The following RIN2 variants were observed in gnomAD, a reference collection of about 807,000 sequenced individuals.
The protein encoded by RIN2 is RAB5 interacting protein 2.
Under a neutral mutation model 78.0 loss-of-function variants are expected in RIN2, and 36 were observed. That is an observed-to-expected ratio of 0.46 (90% CI 0.35 to 0.61). RIN2 has a LOEUF of 0.61. Among genes scored for constraint, RIN2 ranks in the 20% least tolerant of loss-of-function variants. RIN2 has a pLI of 0.00. For missense variants in RIN2, 1,087 were observed against 1,159.7 expected, an observed-to-expected ratio of 0.94 and a Z score of 0.91; for synonymous variants, 466 against 466.8, an observed-to-expected ratio of 1.00 and a Z score of 0.02.
chr20:19,944,485 A>G (rs1211567918), intron 4 of RIN2, among the ~76,000 whole-genome samples: 2 of 152,290 alleles, frequency 1.3e-5, no homozygotes, highest in African/African-American at 4.8e-5. Flanking sequence ...CTTGATTCAT[A>G]AGATGACCCC....
intron 5 of RIN2, 86 bp downstream of exon 5, chr20:19,956,893 A>T: frequency 8.4e-7 from 1 of 1,197,056 alleles, no homozygotes; most frequent in African/African-American, 1.5e-5. Context: ...AGTTCCAGAA[A>T]TTTCTTCCTA....
chr20:19,920,909 G>T lies in RIN2; in HGVS notation c.58-14190G>T, dbSNP rs1371291400. ...GCTGGTCTTGAACTCCTGACCTCAA[G>T]TGATCCACCTGCCTCTGCCTCCCAA... is the stretch of plus-strand genomic sequence containing the variant. On this transcript the variant is annotated intron_variant, in intron 3 of 12. Transcript: ENST00000255006. 2.6e-5 allele frequency among the ~76,000 whole-genome samples: 4 copies of T among 152,184 alleles called. No individual in the cohort carries two copies. In the South Asian group the frequency reaches 8.3e-4, roughly 32 times the overall value.
At chr20:19,826,137 T>G (rs544298495) in intron 2 of RIN2, among the ~76,000 whole-genome samples, 2 of 152,360 alleles carry the variant, frequency 1.3e-5, no homozygotes, top group East Asian at 3.9e-4. Context: ...TTGCATGCAT[T>G]TATTTAGTAT....
At chr20:19,835,882 G>A (rs2036406327) in intron 2 of RIN2, among the ~76,000 whole-genome samples, 1 of 152,184 alleles carries the variant, frequency 6.6e-6, no homozygotes, top group African/African-American at 2.4e-5. Flanking sequence ...AGGAGAGAGT[G>A]CATCTTGCTC....
At chr20:19,996,870 C>G (rs754574556) in intron 12 of RIN2, 28 bp downstream of exon 12, 2 of 1,544,464 alleles carry the variant, frequency 1.3e-6, no homozygotes, top group East Asian at 4.8e-5. Context: ...CCTTTGCTTC[C>G]TTCGTCCTCC....
chr20:19,793,485 T>C (rs2034952942), intron 1 of RIN2, among the ~76,000 whole-genome samples: 1 of 152,116 alleles, frequency 6.6e-6, no homozygotes, highest in Non-Finnish European at 1.5e-5. Context: ...GGCAATGCCT[T>C]TCTCTAGTAC....
At chr20:19,995,421 T>C (rs1444510166) in intron 11 of RIN2, among the ~76,000 whole-genome samples, 1 of 152,212 alleles carries the variant, frequency 6.6e-6, no homozygotes, top group African/African-American at 2.4e-5. Flanking sequence ...AAATATGCTG[T>C]GCCCAATTAG....
intron 8 of RIN2, among the ~76,000 whole-genome samples, chr20:19,973,869 C>T (rs1366523438): frequency 6.6e-6 from 1 of 152,150 alleles, no homozygotes; most frequent in Non-Finnish European, 1.5e-5. Context: ...CCTCCCTCAA[C>T]TTACATGGAA....
intron 3 of RIN2, among the ~76,000 whole-genome samples, 151 bp downstream of exon 3, chr20:19,889,809 C>T (rs2038362427): frequency 1.3e-5 from 2 of 152,160 alleles, no homozygotes. Context: ...TGATTGTTAC[C>T]AGGGCTTATA....
At chr20:19,839,353 C>T (rs549159207) in intron 2 of RIN2, among the ~76,000 whole-genome samples, 22 of 152,356 alleles carry the variant, frequency 1.4e-4, no homozygotes, top group African/African-American at 5.3e-4. Context: ...CTACAGCTTT[C>T]ATGGGCTAGA....
At chr20:19,789,236 T>G (rs1285740255) in intron 1 of RIN2, among the ~76,000 whole-genome samples, 1 of 152,164 alleles carries the variant, frequency 6.6e-6, no homozygotes, top group Non-Finnish European at 1.5e-5. Flanking sequence ...AAAATAAAAC[T>G]TGATTCCTAT....
chr20:19,816,413 GTTCAGAGTAAAGGC>G (rs1254144953), intron 2 of RIN2, among the ~76,000 whole-genome samples: 3 of 130,506 alleles, frequency 2.3e-5, no homozygotes. Flanking sequence ...GAATTTTCCT[GTTCAGAGTAAAGGC>G]TCTATAAGTT....
intron 1 of RIN2, among the ~76,000 whole-genome samples, chr20:19,769,416 T>G (rs1263400835): frequency 6.6e-6 from 1 of 152,200 alleles, no homozygotes; most frequent in East Asian, 1.9e-4. Flanking sequence ...TAGTAGTTTG[T>G]CAAATCCTTA....
chr20:19,841,393 A>G (rs2036571855), intron 2 of RIN2, among the ~76,000 whole-genome samples: 1 of 151,970 alleles, frequency 6.6e-6, no homozygotes, highest in Non-Finnish European at 1.5e-5. Flanking sequence ...CTATAACCTC[A>G]CCTGGAGTTG....
At chr20:19,969,071 C>G (rs1407790679) in intron 7 of RIN2, among the ~76,000 whole-genome samples, 2 of 152,150 alleles carry the variant, frequency 1.3e-5, no homozygotes, top group Non-Finnish European at 2.9e-5. Context: ...TAGCAGAGTA[C>G]TACGGTGTCA....
At chr20:19,905,077 ACT>A (rs796716457) in intron 3 of RIN2, among the ~76,000 whole-genome samples, 5 of 151,678 alleles carry the variant, frequency 3.3e-5, no homozygotes, top group African/African-American at 1.2e-4. Context: ...TCTCTGGTTT[ACT>A]CTGTCCCGTT....
In RIN2 at chr20:19,960,719, C is replaced by A. The variant is rs1433693137; in HGVS notation, c.371C>A (p.Ser124Tyr). 2.3e-5 allele frequency: 36 copies of A among 1,599,740 alleles called. No individual in the cohort carries two copies. Among genetic ancestry groups the A allele is most frequent in the Non-Finnish European group, 3.0e-5 (35 of 1,173,020 alleles). ...CACTAGATCTTCCTGGTTCATAAAT[C>A]TACCAAGATGCAGAAGAAAGTCCTC... The part of the protein sequence containing the change: ...QPPGIFLVHK[S>Y]TKMQKKVLSL... The change falls in exon 6 of 13, where the codon TCT (serine) becomes TAT (tyrosine). Residue 124 changes from serine (S) to tyrosine (Y), a missense_variant. Around this residue, in one of 8 missense-constraint regions of RIN2, gnomAD observed 706 missense variants for 667.5 expected, o/e 1.06. Coordinates refer to ENST00000255006, the MANE Select transcript of RIN2 (RefSeq NM_018993.4).
intron 1 of RIN2, among the ~76,000 whole-genome samples, chr20:19,785,649 C>T (rs1350617285): frequency 1.3e-5 from 2 of 152,094 alleles, no homozygotes; most frequent in African/African-American, 2.4e-5. Context: ...TTGTGCAAGG[C>T]CAATGTTGGC....
intron 9 of RIN2, among the ~76,000 whole-genome samples, chr20:19,989,464 T>C (rs2042728347): frequency 6.6e-6 from 1 of 151,912 alleles, no homozygotes; most frequent in Non-Finnish European, 1.5e-5. Flanking sequence ...TTAGTAGAGA[T>C]GGGGTTTCAC....
Sources: gnomAD v4.1 joint callset for allele counts (sites outside exome capture counted in the v4.1 genomes callset) on GRCh38, gnomAD v4.1.1 for gene constraint, gnomAD v4.1.1 regional missense constraint, MANE v1.5 for transcripts, NCBI Gene and HGNC (gene_info 2026-07-23, HGNC 2026-07-21) for gene names.